Variants in OVGP1 observed in about 807,000 individuals in gnomAD.
OVGP1 encodes the protein oviduct-specific glycoprotein.
A neutral mutation model predicts 48.2 loss-of-function variants in OVGP1; 26 were observed. The ratio of observed to expected loss-of-function variants is 0.54; its 90% CI spans 0.40 to 0.75. The LOEUF (loss-of-function observed/expected upper bound fraction) is 0.75, where lower values mean the gene tolerates loss of function less well. Among genes scored for constraint, OVGP1 ranks in the 30% least tolerant of loss-of-function variants. OVGP1 has a pLI of 0.00. For synonymous variants in OVGP1, 294 were observed against 305.7 expected (o/e 0.96, Z 0.40); for missense variants, 791 against 820.6 (o/e 0.96, Z 0.44).
Position 111,414,877 on chromosome 1 carries a change from G to A in OVGP1, c.1624C>T (p.Pro542Ser). ...ACAGGGGTCATAGTCGTTCCTCCAG[G>A]GCTCACAGACTGATGACTCACAGGG... ...VTPVSHQSVS[P>S]GGTTMTPVHF... Residue 542 changes from proline to serine, a missense_variant, in exon 11 of 11, where the codon CCT becomes TCT. By Grantham distance (74) the Pro-to-Ser change is moderately conservative (BLOSUM62 -1). Transcript: ENST00000369732. 3 of 1,549,760 alleles carry A rather than the reference G, an allele frequency of 1.9e-6. No homozygotes were observed. In the South Asian group the frequency reaches 3.5e-5, roughly 18 times the overall value.
At chr1:111,426,268 G>A (rs979185242) in intron 3 of OVGP1, among the ~76,000 whole-genome samples, 169 bp downstream of exon 3, 1 of 152,174 alleles carries the variant, frequency 6.6e-6, no homozygotes, top group Non-Finnish European at 1.5e-5. Flanking sequence ...AAGAGCTCAA[G>A]GTGTCTGTGA....
At chr1:111,423,763 C>G in intron 4 of OVGP1, 55 bp from the exon 5 acceptor site, 1 of 1,546,802 alleles carries the variant, frequency 6.5e-7, no homozygotes, top group Non-Finnish European at 8.8e-7. Context: ...TCACAACCTC[C>G]TACAAGGCCC....
intron 9 of OVGP1, among the ~76,000 whole-genome samples, chr1:111,417,587 C>T (rs1220864475): frequency 1.3e-5 from 2 of 152,134 alleles, no homozygotes; most frequent in Non-Finnish European, 2.9e-5. Context: ...ATGCTACTTA[C>T]AAGCTAAGAA....
chr1:111,414,647 GTT>G lies in OVGP1; in HGVS notation c.1852_1853del (p.Asn618GlnfsTer21), dbSNP rs1313774910. ...GNLGLQMEAE[N>X]RMMLSSSPVI... is the part of the protein sequence containing the mutation. ...CGGGGCTGGAGGACAGCATCATCCTGTTTTCAGCTTCCATCTGAAGACCCAAG... is the reference window on the plus strand; with the variant it reads ...CGGGGCTGGAGGACAGCATCATCCTGTTCAGCTTCCATCTGAAGACCCAAG... On this transcript the variant is annotated frameshift_variant, in exon 11 of 11. Transcript: ENST00000369732. LOFTEE classifies it low-confidence loss of function (END_TRUNC). The G allele has an allele frequency of 1.9e-6, 3 of 1,614,082 alleles. No individual in the cohort carries two copies. Among genetic ancestry groups the G allele is most frequent in the Non-Finnish European group, 2.5e-6 (3 of 1,180,044 alleles).
chr1:111,416,568 GGA>G, intron 9 of OVGP1, 110 bp from the exon 10 acceptor site: 1 of 923,612 alleles, frequency 1.1e-6, no homozygotes, highest in Non-Finnish European at 1.6e-6. Context: ...TGGGTGGTTA[GGA>G]GTGTAGCCAG....
rs1215354508 is a variant in OVGP1, at chr1:111,426,565, A to G, written c.132T>C (p.His44=). ...SRPGPASILP[H]DLDPFLCTHL... is the part of the protein sequence containing the mutation. The stretch of plus-strand genomic sequence containing the variant: ...GGGTGCAGAGAAAGGGGTCCAGGTC[A>G]TGGGGCAAGATCGAGGCAGGGCCTG... Residue 44 remains histidine, a synonymous_variant, in exon 3 of 11, where the codon CAT becomes CAC. Transcript: ENST00000369732. The G allele has an allele frequency of 1.9e-6, 3 of 1,614,144 alleles. No homozygotes were observed. The highest frequency in any genetic ancestry group is 2.5e-6 in the Non-Finnish European group (3 of 1,180,012).
chr1:111,416,395 C>T lies in OVGP1; in HGVS notation c.1084G>A (p.Val362Ile), dbSNP rs747167434. The T allele has an allele frequency of 5.6e-6, 9 of 1,609,342 alleles. No homozygotes were observed. Among genetic ancestry groups the T allele is most frequent in the Admixed American group, 3.4e-5 (2 of 59,216 alleles). Residue 362 changes from valine to isoleucine, a missense_variant, in exon 10 of 11, where the codon GTC becomes ATC. Coordinates refer to ENST00000369732, the MANE Select transcript of OVGP1 (RefSeq NM_002557.4). The part of the protein sequence containing the change: ...AMVWTLDMDD[V>I]RGTFCGTGPF... Reference sequence around the variant, plus strand: ...CCAGTGCCACAGAACGTGCCCCTGACGTCATCCATGTCCAATGTCCACACC... The same window carrying T: ...CCAGTGCCACAGAACGTGCCCCTGATGTCATCCATGTCCAATGTCCACACC...
chr1:111,426,401 C>A (rs745534637), intron 3 of OVGP1, 36 bp downstream of exon 3: 1 of 1,613,316 alleles, frequency 6.2e-7, no homozygotes, highest in Non-Finnish European at 8.5e-7. Context: ...CCTGTGAAAT[C>A]TGAAAATACA....
intron 9 of OVGP1, among the ~76,000 whole-genome samples, chr1:111,418,831 T>G (rs1009316247): frequency 6.6e-6 from 1 of 152,200 alleles, no homozygotes; most frequent in African/African-American, 2.4e-5. Context: ...AGTGGAACCA[T>G]GATTTCTACA....
intron 8 of OVGP1, 135 bp downstream of exon 8, chr1:111,421,141 T>C: frequency 1.5e-6 from 1 of 653,022 alleles, no homozygotes; most frequent in South Asian, 4.0e-5. Flanking sequence ...GAGAGTGGGT[T>C]TCTCTTGTAC....
chr1:111,423,816 T>C, intron 4 of OVGP1, 108 bp from the exon 5 acceptor site: 2 of 1,074,720 alleles, frequency 1.9e-6, no homozygotes, highest in Non-Finnish European at 2.7e-6. Flanking sequence ...CAGATGTGGC[T>C]GGAGGAAAGG....
At chr1:111,421,522 G>C (rs1264885) in intron 7 of OVGP1, 43 bp downstream of exon 7, 224,402 of 1,608,444 alleles carry the variant, frequency 0.14, 18,795 homozygotes, top group East Asian at 0.44. Flanking sequence ...CTGAGCTCAG[G>C]GGGGCAGATG....
rs939573618 is a variant in OVGP1, at chr1:111,421,424, G to A, written c.755C>T (p.Pro252Leu). 1.2e-6 allele frequency: 2 copies of A among 1,612,698 alleles called. No individual in the cohort carries two copies. Among genetic ancestry groups the A allele is most frequent in the Non-Finnish European group, 8.5e-7 (1 of 1,179,494 alleles). ...GATCCCCATGATGAGCTTCTCTGAG[G>A]GTGCCCCAAGCTTTCTCCAATAATT... ...AMNYWRKLGA[P>L]SEKLIMGIPT... Residue 252 changes from proline to leucine, a missense_variant, in exon 8 of 11, where the codon CCC becomes CTC. By Grantham distance (98) the Pro-to-Leu change is moderately conservative (BLOSUM62 -3). Coordinates refer to ENST00000369732, the MANE Select transcript of OVGP1 (RefSeq NM_002557.4).
At position 111,423,694 on chromosome 1, in the gene OVGP1, A is replaced by C. The variant is rs764441358; in HGVS notation, c.332T>G (p.Leu111Trp). The change falls in exon 5 of 11, where the codon TTG becomes TGG. Residue 111 changes from leucine (L) to tryptophan (W), a missense_variant. Coordinates refer to ENST00000369732, the MANE Select transcript of OVGP1 (RefSeq NM_002557.4). ...CTTTTCACGGTTGGCAAATGTGGACAACATAGTGGTGAATCTGTAGGGAGA... is the reference window on the plus strand; with the variant it reads ...CTTTTCACGGTTGGCAAATGTGGACCACATAGTGGTGAATCTGTAGGGAGA... ...NFGTSRFTTM[L>W]STFANREKFI... The C allele has an allele frequency of 6.2e-7, 1 of 1,614,094 alleles. No individual in the cohort carries two copies. Among genetic ancestry groups the C allele is most frequent in the Non-Finnish European group, 8.5e-7 (1 of 1,179,954 alleles).
intron 4 of OVGP1, 61 bp from the exon 5 acceptor site, chr1:111,423,769 G>A: frequency 2.6e-6 from 4 of 1,533,688 alleles, no homozygotes; most frequent in Non-Finnish European, 3.6e-6. Flanking sequence ...CCTCCTACAA[G>A]GCCCCTTGCA....
chr1:111,418,032 T>C (rs1157565181), intron 9 of OVGP1, among the ~76,000 whole-genome samples: 1 of 152,196 alleles, frequency 6.6e-6, no homozygotes, highest in African/African-American at 2.4e-5. Context: ...TTAGTAAAGC[T>C]TGTCTGCTTC....
At position 111,415,355 on chromosome 1, in the gene OVGP1, T is replaced by G. The variant is rs200218905; in HGVS notation, c.1157-11A>C. The G allele has an allele frequency of 6.0e-5, 96 of 1,595,238 alleles. No homozygotes were observed. Among genetic ancestry groups the G allele is most frequent in the Non-Finnish European group, 7.3e-5 (85 of 1,168,930 alleles). ...AAGTTGAACTGAACTCTAGAGAAAA[T>G]CAACAGAAAAGAATGAGATTCCTAC... On this transcript the variant is annotated splice_polypyrimidine_tract_variant and intron_variant, in intron 10 of 10. Transcript: ENST00000369732.
rs377418833 is a variant in OVGP1 at position 111,427,244 on chromosome 1, G to A, written c.26-153C>T. 2.6e-5 allele frequency: 26 copies of A among 985,382 alleles called. No homozygotes were observed. In the South Asian group the frequency reaches 2.8e-4, roughly 11 times the overall value. The allele number at this position is 985,382 out of a possible 1,614,324, so 61.0% of individuals were successfully genotyped here. A position where few individuals can be genotyped will look rare whatever the true frequency, so the allele number is the denominator to read the frequency against. ...ATGGGGACACACACACCATTTACTC[G>A]TTTCCTAGTTTCTAAAGTTGGACCA... is the stretch of plus-strand genomic sequence containing the variant. On this transcript the variant is annotated intron_variant, in intron 1 of 10. Coordinates refer to ENST00000369732, the MANE Select transcript of OVGP1 (RefSeq NM_002557.4).
chr1:111,414,494 T>C lies in OVGP1; in HGVS notation c.2007A>G (p.Pro669=), dbSNP rs1557780738. 1.9e-6 allele frequency: 3 copies of C among 1,613,360 alleles called. No homozygotes were observed. The highest frequency in any genetic ancestry group is 2.7e-5 in the African/African-American group (2 of 74,934). Residue 669 remains proline (P), a synonymous_variant, in exon 11 of 11, where the codon CCA becomes CCG. Coordinates refer to ENST00000369732, the MANE Select transcript of OVGP1 (RefSeq NM_002557.4). The part of the protein sequence containing the change: ...TSPLSLKKEI[P]ENSAVDEEA Reference sequence around the variant, plus strand: ...CTTCTTCATCCACAGCAGAGTTTTCTGGGATTTCTTTTTTTAGAGAAAGAG... The same window carrying C: ...CTTCTTCATCCACAGCAGAGTTTTCCGGGATTTCTTTTTTTAGAGAAAGAG...
Sources: allele counts gnomAD v4.1 joint callset (sites outside exome capture counted in the v4.1 genomes callset), GRCh38; gene constraint gnomAD v4.1.1; transcripts MANE v1.5; gene names NCBI Gene and HGNC (gene_info 2026-07-23, HGNC 2026-07-21).